The following AEBP2 variants were observed in gnomAD, a reference collection of about 807,000 sequenced individuals.
AEBP2 encodes AE binding protein 2.
A neutral mutation model predicts 50.8 loss-of-function variants in AEBP2; 10 were observed. The observed-to-expected ratio is 0.20, with a 90% CI of 0.12 to 0.33. The LOEUF (loss-of-function observed/expected upper bound fraction) is 0.33. Ranked by LOEUF, AEBP2 falls within the 10% of genes least tolerant of loss-of-function variation. AEBP2 has a pLI of 1.00. For missense variants in AEBP2, 570 were observed against 688.0 expected, an observed-to-expected ratio of 0.83 and a Z score of 1.92; for synonymous variants, 296 against 261.3, an observed-to-expected ratio of 1.13 and a Z score of -1.28.
intron 1 of AEBP2, among the ~76,000 whole-genome samples, chr12:19,422,537 C>T (rs2095746350): frequency 6.6e-6 from 1 of 151,758 alleles, no homozygotes; most frequent in South Asian, 2.1e-4. Context: ...ACTCTTGTTG[C>T]CCAAGCTGGA....
chr12:19,476,848 A>T (rs563488881), intron 3 of AEBP2, among the ~76,000 whole-genome samples: 1 of 152,240 alleles, frequency 6.6e-6, no homozygotes, highest in African/African-American at 2.4e-5. Context: ...AGTTCTGTGA[A>T]GATTGATGAT....
intron 1 of AEBP2, among the ~76,000 whole-genome samples, chr12:19,448,871 G>A (rs1302797498): frequency 6.6e-6 from 1 of 151,968 alleles, no homozygotes; most frequent in African/African-American, 2.4e-5. Flanking sequence ...GTAGAGATGG[G>A]GTCTCCGTGT....
chr12:19,494,449 C>CA (rs1013079741), intron 4 of AEBP2, among the ~76,000 whole-genome samples: 55 of 145,424 alleles, frequency 3.8e-4, no homozygotes, highest in African/African-American at 1.2e-3. Flanking sequence ...AAACCAACAA[C>CA]AAAAAAAACC....
intron 3 of AEBP2, among the ~76,000 whole-genome samples, chr12:19,475,506 T>A (rs1002502685): frequency 2.0e-5 from 3 of 152,114 alleles, no homozygotes; most frequent in Admixed American, 2.0e-4. Context: ...ACTTATTGAT[T>A]GAAGGGCACA....
chr12:19,478,336 C>T (rs551016756), intron 3 of AEBP2, among the ~76,000 whole-genome samples: 2 of 152,238 alleles, frequency 1.3e-5, no homozygotes, highest in South Asian at 4.1e-4. Context: ...CACTCTGTCG[C>T]CCAGGCTGGA....
intron 1 of AEBP2, among the ~76,000 whole-genome samples, chr12:19,424,471 A>G (rs1268249337): frequency 6.6e-6 from 1 of 151,558 alleles, no homozygotes; most frequent in Non-Finnish European, 1.5e-5. Flanking sequence ...ATCTCGGCTC[A>G]CTGCAAGCTC....
chr12:19,470,901 T>G (rs2153371870), intron 2 of AEBP2, among the ~76,000 whole-genome samples: 1 of 152,336 alleles, frequency 6.6e-6, no homozygotes, highest in African/African-American at 2.4e-5. Flanking sequence ...ACAGGAATGA[T>G]GTTGATATTG....
At chr12:19,474,277 G>A (rs555162164) in intron 3 of AEBP2, among the ~76,000 whole-genome samples, 12 of 152,156 alleles carry the variant, frequency 7.9e-5, no homozygotes, top group Non-Finnish European at 1.6e-4. Context: ...GAGATTAACA[G>A]TTTATGTTTA....
At chr12:19,454,632 A>G (rs184228734) in intron 1 of AEBP2, among the ~76,000 whole-genome samples, 61 of 152,296 alleles carry the variant, frequency 4.0e-4, no homozygotes, top group African/African-American at 1.4e-3. Context: ...TTCAGGTTAT[A>G]TACTCTAAAT....
chr12:19,493,382 T>C (rs10083161), intron 3 of AEBP2, among the ~76,000 whole-genome samples: 129,400 of 152,202 alleles, frequency 0.85, 55,306 homozygotes, highest in African/African-American at 0.93. Flanking sequence ...GCCTGGGCAA[T>C]AACAATACGC....
chr12:19,475,433 G>GGTATGTAT (rs576299155), intron 3 of AEBP2, among the ~76,000 whole-genome samples: 3,144 of 151,788 alleles, frequency 0.021, 38 homozygotes, highest in East Asian at 0.042. Flanking sequence ...AGTATTCCAT[G>GGTATGTAT]GTATGTATGT....
chr12:19,481,941 A>G (rs1948736383), intron 3 of AEBP2, among the ~76,000 whole-genome samples: 1 of 152,208 alleles, frequency 6.6e-6, no homozygotes, highest in Admixed American at 6.5e-5. Flanking sequence ...GAGTATCTTA[A>G]TAATCAACCT....
chr12:19,471,756 C>T (rs1199739040), intron 2 of AEBP2, among the ~76,000 whole-genome samples: 2 of 152,050 alleles, frequency 1.3e-5, no homozygotes, highest in Admixed American at 1.3e-4. Context: ...GTCTCGAACT[C>T]CTGAGCTCAA....
At chr12:19,510,118 A>G (rs1449118944) in intron 5 of AEBP2, among the ~76,000 whole-genome samples, 3 of 152,108 alleles carry the variant, frequency 2.0e-5, no homozygotes, top group African/African-American at 4.8e-5. Flanking sequence ...TGTAAACCCA[A>G]TGTTAAATGA....
chr12:19,449,933 C>T (rs1347863390), intron 1 of AEBP2, among the ~76,000 whole-genome samples: 1 of 152,142 alleles, frequency 6.6e-6, no homozygotes, highest in East Asian at 1.9e-4. Flanking sequence ...TACAAATTAA[C>T]TGGATCATAT....
Position 19,493,940 on chromosome 12 carries a change from A to G in AEBP2, c.1128A>G (p.Gly376=). ...KAKEESPSKA[G]MNKRRKLKNK... Reference sequence around the variant, plus strand: ...AAGAAGAATCTCCTTCTAAAGCTGGAATGAACAAAAGGAGGAAATTAAAGA... The same window carrying G: ...AAGAAGAATCTCCTTCTAAAGCTGGGATGAACAAAAGGAGGAAATTAAAGA... The change falls in exon 4 of 8, where the codon GGA becomes GGG. Residue 376 remains glycine (G), a synonymous_variant. Coordinates refer to ENST00000266508, the MANE Select transcript of AEBP2 (RefSeq NM_153207.5). 6.2e-7 allele frequency: 1 copy of G among 1,612,900 alleles called. No individual in the cohort carries two copies. The highest frequency in any genetic ancestry group is 8.5e-7 in the Non-Finnish European group (1 of 1,179,346).
chr12:19,518,002 CTT>C (rs1190000749), intron 7 of AEBP2, 83 bp from the exon 8 acceptor site: 1 of 1,244,832 alleles, frequency 8.0e-7, no homozygotes, highest in Admixed American at 2.7e-5. Flanking sequence ...TTGCCTGTAT[CTT>C]ATTAATATTT....
intron 6 of AEBP2, 100 bp from the exon 7 acceptor site, chr12:19,514,571 A>G: frequency 1.1e-6 from 1 of 880,772 alleles, no homozygotes; most frequent in South Asian, 1.8e-5. Context: ...CTTAACGTGG[A>G]CTGATCAAAG....
At chr12:19,470,029 A>G (rs1052731179) in intron 2 of AEBP2, among the ~76,000 whole-genome samples, 1 of 152,232 alleles carries the variant, frequency 6.6e-6, no homozygotes, top group African/African-American at 2.4e-5. Context: ...TTATACGTCT[A>G]AAAAGTCTCA....
Sources: gnomAD v4.1 joint callset for allele counts (sites outside exome capture counted in the v4.1 genomes callset) on GRCh38, gnomAD v4.1.1 for gene constraint, MANE v1.5 for transcripts, NCBI Gene and HGNC (gene_info 2026-07-23, HGNC 2026-07-21) for gene names.